IMP4: variants seen among roughly 807,000 people sequenced by gnomAD.
IMP4 encodes IMP U3 small nucleolar ribonucleoprotein 4.
In IMP4, 30 loss-of-function variants were observed where a neutral mutation model predicts 42.7. That is an observed-to-expected ratio of 0.70 (90% CI 0.53 to 0.95). IMP4 has a LOEUF of 0.95. IMP4 is among the 40% of genes least tolerant of loss of function. The pLI is 0.00. For missense variants in IMP4, 382 were observed against 411.4 expected (o/e 0.93, Z 0.62); for synonymous variants, 165 against 165.2 (o/e 1.00, Z 0.01).
At chr2:130,344,863 C>G (rs1049406692) in intron 3 of IMP4, 151 bp downstream of exon 3, 8 of 641,088 alleles carry the variant, frequency 1.2e-5, no homozygotes, top group Non-Finnish European at 2.0e-5. Context: ...CAGGGCTCTC[C>G]CTGAGTGTGC....
In IMP4 at chr2:130,346,046, C is replaced by G. The variant is rs151133666; in HGVS notation, c.623C>G (p.Pro208Arg). The G allele has an allele frequency of 1.9e-6, 3 of 1,614,206 alleles. No individual in the cohort carries two copies. Among genetic ancestry groups the G allele is most frequent in the Admixed American group, 3.3e-5 (2 of 60,018 alleles). Residue 208 changes from proline (P) to arginine (R), a missense_variant, in exon 7 of 9, where the codon CCC (proline) becomes CGC (arginine). Transcript: ENST00000259239. Reference protein sequence around the residue: ...RVSDILRYLFPVPKDDSHRVI... With the variant: ...RVSDILRYLFRVPKDDSHRVI... ...TCTGACATCCTCCGATACCTATTTCCCGTGCCCAAAGATGACAGCCACCGG... is the reference window on the plus strand; with the variant it reads ...TCTGACATCCTCCGATACCTATTTCGCGTGCCCAAAGATGACAGCCACCGG...
intron 2 of IMP4, 119 bp from the exon 3 acceptor site, chr2:130,344,510 C>T: frequency 2.7e-6 from 2 of 735,658 alleles, no homozygotes. Context: ...TATCCAAGCT[C>T]AGAAAGGGCT....
In IMP4 at chr2:130,345,440, C is replaced by G. The variant is rs1248272339; in HGVS notation, c.261C>G (p.Ile87Met). 1.2e-6 allele frequency: 2 copies of G among 1,613,938 alleles called. No homozygotes were observed. Among genetic ancestry groups the G allele is most frequent in the Non-Finnish European group, 1.7e-6 (2 of 1,180,000 alleles). ...GAGTCGAGGATCCCAAGGTTATGAT[C>G]ACTACCTCCCGAGACCCCAGTTCCC... ...WAGVEDPKVM[I>M]TTSRDPSSRL... Residue 87 changes from isoleucine to methionine, a missense_variant, in exon 4 of 9, where the codon ATC becomes ATG. Transcript: ENST00000259239. The surrounding 1 kb of genome is among the most constrained non-coding windows in gnomAD (Gnocchi z 4.9).
At chr2:130,343,232 C>G in intron 2 of IMP4, 38 bp downstream of exon 2, 1 of 1,335,442 alleles carries the variant, frequency 7.5e-7, no homozygotes, top group African/African-American at 1.4e-5. Flanking sequence ...CGTGGTAAAC[C>G]ACCCCGGCAC....
rs1192983781 is a variant in IMP4, at chr2:130,346,773, CAA to C, written c.*306_*307del. The stretch of plus-strand genomic sequence containing the variant: ...GAGAGATTTGATGCTAACGTCCCCT[CAA>C]GAGTGAGGGTCATATGAGCTCTTCA... On this transcript the variant is annotated 3_prime_UTR_variant, in exon 9 of 9. Coordinates refer to ENST00000259239, the MANE Select transcript of IMP4 (RefSeq NM_033416.3). 35 of 436,784 alleles carry C rather than the reference CAA, an allele frequency of 8.0e-5. 1 individual carries two copies. The highest frequency in any genetic ancestry group is 1.5e-4 in the Non-Finnish European group (34 of 233,406). 27.1% of individuals were successfully genotyped at this position (436,784 alleles called of 1,614,324 possible).
At position 130,346,275 on chromosome 2, in the gene IMP4, G is replaced by A. The variant is rs753254717; in HGVS notation, c.763+1G>A. The A allele has an allele frequency of 8.7e-6, 14 of 1,613,940 alleles. No homozygotes were observed. The highest frequency in any genetic ancestry group is 2.2e-5 in the East Asian group (1 of 44,876). The stretch of plus-strand genomic sequence containing the variant: ...GTCGGGCCCCGCTTTGAGCTGAAGC[G>A]TGAGTTTGAGGCTGAATCCCGTGTC... On this transcript the variant is annotated splice_donor_variant, in intron 8 of 8. Coordinates refer to ENST00000259239, the MANE Select transcript of IMP4 (RefSeq NM_033416.3). LOFTEE classifies it high-confidence loss of function.
rs1679672998 is a variant in IMP4 at position 130,347,601 on chromosome 2, A to G, written c.*1133A>G. On this transcript the variant is annotated 3_prime_UTR_variant, in exon 9 of 9. Transcript: ENST00000259239. The stretch of plus-strand genomic sequence containing the variant: ...AGTTTAGGGAAGCGATTAGGTCCTG[A>G]GGACTCTGCCCTCTTGCATAGAATT... The G allele has an allele frequency of 6.6e-6, 1 of 152,258 alleles. No individual in the cohort carries two copies. Among genetic ancestry groups the G allele is most frequent in the Admixed American group, 6.5e-5 (1 of 15,274 alleles). The allele number at this position is 152,258 out of a possible 1,614,324, so 9.4% of individuals were successfully genotyped here. A position where few individuals can be genotyped will look rare whatever the true frequency, so the allele number is the denominator to read the frequency against.
In IMP4 at chr2:130,345,210, C is replaced by T. The variant is rs557755720; in HGVS notation, c.197-166C>T. 6.6e-6 allele frequency among the ~76,000 whole-genome samples: 1 copy of T among 152,348 alleles called. No individual in the cohort carries two copies. The highest frequency in any genetic ancestry group is 2.4e-5 in the African/African-American group (1 of 41,586). On this transcript the variant is annotated intron_variant, in intron 3 of 8. Transcript: ENST00000259239. This position sits in a 1 kb window ranked among gnomAD's most constrained non-coding sequence, Gnocchi z 4.9. ...TCTGTTTCTCAGCCACGCTTGTGCT[C>T]AGCAGCCAGAGTAGTTGGAGGCTGC...
chr2:130,343,378 AC>A, intron 2 of IMP4, 184 bp downstream of exon 2: 1 of 718,058 alleles, frequency 1.4e-6, no homozygotes, highest in East Asian at 2.7e-5. Context: ...ACGTTGCAGT[AC>A]CCGGGTTTTG....
In IMP4 at chr2:130,346,471, A is replaced by C; in HGVS notation, c.*3A>C. The C allele has an allele frequency of 6.5e-7, 1 of 1,545,546 alleles. No individual in the cohort carries two copies. Among genetic ancestry groups the C allele is most frequent in the Non-Finnish European group, 8.8e-7 (1 of 1,140,626 alleles). On this transcript the variant is annotated 3_prime_UTR_variant, in exon 9 of 9. Transcript: ENST00000259239. ...GAGTCTTCCTGAGCACCGAGTGAGC[A>C]CACTCACCACTCAGTCAGGACATGG...
At chr2:130,343,246 T>G (rs1304855819) in intron 2 of IMP4, 52 bp downstream of exon 2, 1 of 1,251,098 alleles carries the variant, frequency 8.0e-7, no homozygotes, top group East Asian at 2.5e-5. Flanking sequence ...CCGGCACGCA[T>G]TTGTGTTCGA....
At chr2:130,344,965 A>C (rs2292850) in intron 3 of IMP4, 222,564 of 579,262 alleles carry the variant, frequency 0.38, 46,297 homozygotes, top group African/African-American at 0.63. Flanking sequence ...CCTGCTGGGG[A>C]AAGACAGTGT....
Position 130,346,113 on chromosome 2 carries a change from G to A in IMP4, c.689+1G>A. ...ACCAGGACGACTACATATCATTCCG[G>A]TGGGTCCACGGGCCATGCCCCAGGA... On this transcript the variant is annotated splice_donor_variant, in intron 7 of 8. Coordinates refer to ENST00000259239, the MANE Select transcript of IMP4 (RefSeq NM_033416.3). LOFTEE classifies it high-confidence loss of function. The A allele has an allele frequency of 1.2e-6, 2 of 1,614,096 alleles. No homozygotes were observed. Among genetic ancestry groups the A allele is most frequent in the South Asian group, 1.1e-5 (1 of 91,080 alleles).
At position 130,346,056 on chromosome 2, in the gene IMP4, A is replaced by G. The variant is rs745980367; in HGVS notation, c.633A>G (p.Lys211=). Residue 211 remains lysine, a synonymous_variant, in exon 7 of 9, where the codon AAA becomes AAG. Transcript: ENST00000259239. ...DILRYLFPVP[K]DDSHRVITFA... The stretch of plus-strand genomic sequence containing the variant: ...TCCGATACCTATTTCCCGTGCCCAA[A>G]GATGACAGCCACCGGGTCATCACCT... 8 of 1,614,054 alleles carry G rather than the reference A, an allele frequency of 5.0e-6. No homozygotes were observed. The highest frequency in any genetic ancestry group is 5.9e-6 in the Non-Finnish European group (7 of 1,180,042).
rs766587913 is a variant in IMP4, at chr2:130,346,197, C to T, written c.690-4C>T. The T allele has an allele frequency of 6.2e-7, 1 of 1,614,144 alleles. No individual in the cohort carries two copies. Among genetic ancestry groups the T allele is most frequent in the South Asian group, 1.1e-5 (1 of 91,092 alleles). On this transcript the variant is annotated splice_polypyrimidine_tract_variant and splice_region_variant and intron_variant, in intron 7 of 8. Transcript: ENST00000259239. ...GCCGTTGACCCACAGCTGTTCCCTCCCAGGCACCATGTGTATAAGAAGACA... is the reference window on the plus strand; with the variant it reads ...GCCGTTGACCCACAGCTGTTCCCTCTCAGGCACCATGTGTATAAGAAGACA...
chr2:130,345,892 C>T lies in IMP4; in HGVS notation c.553C>T (p.His185Tyr). The T allele has an allele frequency of 6.2e-7, 1 of 1,614,218 alleles. No homozygotes were observed. ...GGGCACCATGTCGGAGGCCAAGCCCCACCTCATCACACACGGCTTCTCCTC... is the reference window on the plus strand; with the variant it reads ...GGGCACCATGTCGGAGGCCAAGCCCTACCTCATCACACACGGCTTCTCCTC... ...DLGTMSEAKPHLITHGFSSRL... is the reference protein window; with the variant it reads ...DLGTMSEAKPYLITHGFSSRL... The change falls in exon 6 of 9, where the codon CAC becomes TAC. Residue 185 changes from histidine to tyrosine, a missense_variant. By Grantham distance (83) the His-to-Tyr change is moderately conservative (BLOSUM62 2). Transcript: ENST00000259239. The surrounding 1 kb of genome is among the most constrained non-coding windows in gnomAD (Gnocchi z 4.9).
chr2:130,345,315 C>T lies in IMP4; in HGVS notation c.197-61C>T, dbSNP rs1193666903. On this transcript the variant is annotated intron_variant, in intron 3 of 8. Transcript: ENST00000259239. This position sits in a 1 kb window ranked among gnomAD's most constrained non-coding sequence, Gnocchi z 4.9. ...AGCGACATCCAGGCGGTCTTGGCTG[C>T]CCCGAAGTTAGCATTTCATTCCCAA... is the stretch of plus-strand genomic sequence containing the variant. 3.0e-6 allele frequency: 4 copies of T among 1,355,750 alleles called. No homozygotes were observed. The African/African-American group carries it at 5.8e-5, about 20-fold the overall frequency. 84.0% of individuals were successfully genotyped at this position (1,355,750 alleles called of 1,614,324 possible). A position where few individuals can be genotyped will look rare whatever the true frequency, so the allele number is the denominator to read the frequency against.
chr2:130,346,517 C>A lies in IMP4; in HGVS notation c.*49C>A. 1 of 1,294,024 alleles carries A rather than the reference C, an allele frequency of 7.7e-7. No homozygotes were observed. Among genetic ancestry groups the A allele is most frequent in the Non-Finnish European group, 1.1e-6 (1 of 915,250 alleles). The allele number at this position is 1,294,024 out of a possible 1,614,324, so 80.2% of individuals were successfully genotyped here. On this transcript the variant is annotated 3_prime_UTR_variant, in exon 9 of 9. Transcript: ENST00000259239. The stretch of plus-strand genomic sequence containing the variant: ...CATGGACTTGGAACTCAGGATGGGG[C>A]TGTCATAGACAGACCCACCAGTAGG...
chr2:130,345,856 A>AT lies in IMP4; in HGVS notation c.518dup (p.Asp175ArgfsTer27). The AT allele has an allele frequency of 6.2e-7, 1 of 1,614,178 alleles. No individual in the cohort carries two copies. The highest frequency in any genetic ancestry group is 8.5e-7 in the Non-Finnish European group (1 of 1,180,032). ...GTGCAATGTGGTCATGCGGCATGAC[A>AT]TCCCAGACCTGGGCACCATGTCGGA... On this transcript the variant is annotated frameshift_variant, in exon 6 of 9. Coordinates refer to ENST00000259239, the MANE Select transcript of IMP4 (RefSeq NM_033416.3). LOFTEE classifies it high-confidence loss of function. This position sits in a 1 kb window ranked among gnomAD's most constrained non-coding sequence, Gnocchi z 4.9.
Sources: allele counts gnomAD v4.1 joint callset (sites outside exome capture counted in the v4.1 genomes callset), GRCh38; gene constraint gnomAD v4.1.1; non-coding constraint Gnocchi (gnomAD v3.1); transcripts MANE v1.5; gene names NCBI Gene and HGNC (gene_info 2026-07-23, HGNC 2026-07-21).